The following CHD8 variants were observed in gnomAD, a reference collection of about 807,000 sequenced individuals.
The protein encoded by CHD8 is chromodomain helicase DNA binding protein 8, also known as ATP-dependent chromatin remodeler CHD8.
In CHD8, 31 loss-of-function variants were observed where a neutral mutation model predicts 279.2. The observed-to-expected ratio is 0.11, with a 90% CI of 0.08 to 0.15. The LOEUF is 0.15. CHD8 is among the 10% of genes least tolerant of loss of function. The pLI is 1.00. For synonymous variants in CHD8, 1,081 were observed against 1,139.6 expected, an observed-to-expected ratio of 0.95 and a Z score of 1.04; for missense variants, 2,146 against 3,230.5, an observed-to-expected ratio of 0.66 and a Z score of 8.14.
At chr14:21,428,293 A>G in intron 3 of CHD8, 39 bp from the exon 4 acceptor site, 1 of 1,592,956 alleles carries the variant, frequency 6.3e-7, no homozygotes, top group African/African-American at 1.3e-5. Context: ...ACTTGCTTGT[A>G]GTTAAATGGC....
Position 21,386,118 on chromosome 14 carries a change from C to T in CHD8, c.7241G>A (p.Ser2414Asn), listed in dbSNP as rs1887218814. Residue 2414 changes from serine (S) to asparagine (N), a missense_variant, in exon 38 of 38, where the codon AGC becomes AAC. Ser to Asn is a conservative substitution (Grantham distance 46). Coordinates refer to ENST00000646647, the MANE Select transcript of CHD8 (RefSeq NM_001170629.2). ...CATCCTACGGGCCCGCTTCTTGCTGCTCTCTGGTGCAATAGGCCCTGGCAA... is the reference window on the plus strand; with the variant it reads ...CATCCTACGGGCCCGCTTCTTGCTGTTCTCTGGTGCAATAGGCCCTGGCAA... ...RVLPGPIAPE[S>N]SKKRARRMRP... 5.1e-6 allele frequency: 8 copies of T among 1,554,062 alleles called. No homozygotes were observed. Among genetic ancestry groups the T allele is most frequent in the Non-Finnish European group, 7.0e-6 (8 of 1,148,234 alleles).
intron 1 of CHD8, among the ~76,000 whole-genome samples, chr14:21,434,800 C>A (rs541802395): frequency 6.6e-6 from 1 of 152,160 alleles, no homozygotes; most frequent in African/African-American, 2.4e-5. Flanking sequence ...TTGACTCTTA[C>A]AAGATTAAAC....
Position 21,395,359 on chromosome 14 carries a change from A to G in CHD8, c.5128-7T>C. The G allele has an allele frequency of 6.3e-7, 1 of 1,598,784 alleles. No homozygotes were observed. Among genetic ancestry groups the G allele is most frequent in the Middle Eastern group, 1.7e-4 (1 of 6,048 alleles). On this transcript the variant is annotated splice_region_variant and splice_polypyrimidine_tract_variant and intron_variant, in intron 28 of 37. Coordinates refer to ENST00000646647, the MANE Select transcript of CHD8 (RefSeq NM_001170629.2). The stretch of plus-strand genomic sequence containing the variant: ...TCATCATCAAGGGATCACCCTAGAG[A>G]AGGAGATCCACCCAATAGGATGGAG...
At position 21,406,995 on chromosome 14, in the gene CHD8, A is replaced by T. The variant is rs1388332190; in HGVS notation, c.2768T>A (p.Leu923Gln). 1.3e-6 allele frequency: 2 copies of T among 1,599,366 alleles called. No individual in the cohort carries two copies. Among genetic ancestry groups the T allele is most frequent in the Non-Finnish European group, 1.7e-6 (2 of 1,172,428 alleles). ...CAAAATCATCTCAAAAGTGGTGATC[A>T]GAGCGTCAAACTTGTATGCGCCTGG... is the stretch of plus-strand genomic sequence containing the variant. ...LIPGAYKFDA[L>Q]ITTFEMILSD... Residue 923 changes from leucine (L) to glutamine (Q), a missense_variant, in exon 14 of 38, where the codon CTG (leucine) becomes CAG (glutamine). By Grantham distance (113) the Leu-to-Gln change is moderately radical. This residue lies in a region of CHD8 where 211 missense variants were observed against 464.7 expected (regional missense o/e 0.45). Transcript: ENST00000646647.
chr14:21,390,649 G>A (rs1270245997), intron 37 of CHD8, among the ~76,000 whole-genome samples: 5 of 151,828 alleles, frequency 3.3e-5, no homozygotes, highest in African/African-American at 9.7e-5. Flanking sequence ...GCGGTGGCAG[G>A]TGCCTGTAAT....
rs775493291 is a variant in CHD8 at position 21,391,559 on chromosome 14, A to G, written c.6969T>C (p.Gly2323=). The G allele has an allele frequency of 6.2e-7, 1 of 1,613,778 alleles. No homozygotes were observed. Among genetic ancestry groups the G allele is most frequent in the African/African-American group, 1.3e-5 (1 of 75,028 alleles). Residue 2323 remains glycine, a synonymous_variant, in exon 36 of 38, where the codon GGT becomes GGC. Coordinates refer to ENST00000646647, the MANE Select transcript of CHD8 (RefSeq NM_001170629.2). Reference sequence around the variant, plus strand: ...GGGCATCCTCACCCACCAGCAAAGTACCATCCACCTTATTGATGACAGGGA... The same window carrying G: ...GGGCATCCTCACCCACCAGCAAAGTGCCATCCACCTTATTGATGACAGGGA... ...TRIPVINKVD[G]TLLVGEDAPR... is the part of the protein sequence containing the mutation.
chr14:21,407,143 A>G, intron 13 of CHD8, 111 bp from the exon 14 acceptor site: 1 of 741,712 alleles, frequency 1.3e-6, no homozygotes, highest in Non-Finnish European at 2.1e-6. Context: ...TACAAACTGC[A>G]CCACCACCCA....
intron 5 of CHD8, among the ~76,000 whole-genome samples, chr14:21,420,299 G>T (rs1390163057): frequency 6.6e-6 from 1 of 152,084 alleles, no homozygotes; most frequent in African/African-American, 2.4e-5. Context: ...CTAGCCCTGT[G>T]CTCTGTGGGC....
chr14:21,435,592 A>G (rs1310028730), intron 1 of CHD8, among the ~76,000 whole-genome samples: 1 of 152,134 alleles, frequency 6.6e-6, no homozygotes, highest in East Asian at 1.9e-4. Context: ...TTCCATCTCA[A>G]TCTCTCCATA....
Position 21,401,008 on chromosome 14 carries a change from C to T in CHD8, c.4237G>A (p.Asp1413Asn), listed in dbSNP as rs1888007003. 9.3e-6 allele frequency: 15 copies of T among 1,614,004 alleles called. No individual in the cohort carries two copies. The highest frequency in any genetic ancestry group is 1.3e-5 in the Non-Finnish European group (15 of 1,179,890). ...TCAGAGAATTCCACCAGGTCATCAT[C>T]TTTCAGAGTGCTAAAGTGGCGCGTT... Reference protein sequence around the residue: ...KQTRHFSTLKDDDLVEFSDLE... With the variant: ...KQTRHFSTLKNDDLVEFSDLE... The change falls in exon 22 of 38, where the codon GAT becomes AAT. Residue 1413 changes from aspartate to asparagine, a missense_variant. Physicochemically the swap from Asp to Asn is conservative, Grantham distance 23. Coordinates refer to ENST00000646647, the MANE Select transcript of CHD8 (RefSeq NM_001170629.2).
In CHD8 at chr14:21,408,599, T is replaced by C. The variant is rs1218781050; in HGVS notation, c.2487-44A>G. 1 of 1,574,920 alleles carries C rather than the reference T, an allele frequency of 6.3e-7. No individual in the cohort carries two copies. On this transcript the variant is annotated intron_variant, in intron 12 of 37. Coordinates refer to ENST00000646647, the MANE Select transcript of CHD8 (RefSeq NM_001170629.2). The surrounding 1 kb of genome is among the most constrained non-coding windows in gnomAD (Gnocchi z 4.3). ...AAAAAAAAAATGTTAAAAGATACTA[T>C]CTTTAAAAAAAATAGAGTATGTAGG...
rs561161811 is a variant in CHD8, at chr14:21,401,610, A to G, written c.4063-97T>C. On this transcript the variant is annotated intron_variant, in intron 20 of 37. Transcript: ENST00000646647. The stretch of plus-strand genomic sequence containing the variant: ...TAAAAACATTTTTTTTTTGAGACAC[A>G]GTCTTGCTCTGTTGCCCAGGCTGGG... The G allele has an allele frequency of 5.4e-5, 41 of 757,434 alleles. No individual in the cohort carries two copies. The African/African-American group carries it at 6.8e-4, about 12-fold the overall frequency. The allele number at this position is 757,434 out of a possible 1,614,324, so 46.9% of individuals were successfully genotyped here.
intron 7 of CHD8, 172 bp downstream of exon 7, chr14:21,415,402 A>C (rs1888670452): frequency 2.8e-6 from 1 of 351,572 alleles, no homozygotes; most frequent in Non-Finnish European, 4.9e-6. Context: ...CAGGAGGCTG[A>C]GGCAGAAGAA....
chr14:21,399,669 C>T lies in CHD8; in HGVS notation c.4854G>A (p.Leu1618=). Residue 1618 remains leucine, a synonymous_variant, in exon 26 of 38, where the codon CTG becomes CTA. Transcript: ENST00000646647. ...TGTCCCACCAAGTTGTTGGAACCTC[C>T]AGTTGATCCACTACTGGGAACCATA... ...IDIWFPVVDQ[L]EVPTTWWDSE... 1 of 1,613,678 alleles carries T rather than the reference C, an allele frequency of 6.2e-7. No individual in the cohort carries two copies. The highest frequency in any genetic ancestry group is 8.5e-7 in the Non-Finnish European group (1 of 1,179,638).
At chr14:21,423,537 G>C (rs1889150777) in intron 5 of CHD8, among the ~76,000 whole-genome samples, 1 of 151,664 alleles carries the variant, frequency 6.6e-6, no homozygotes, top group Admixed American at 6.6e-5. Flanking sequence ...TTTTTGGCGG[G>C]GGGAGTCAGG....
intron 5 of CHD8, 55 bp downstream of exon 5, chr14:21,426,073 G>T (rs1594373263): frequency 9.5e-7 from 1 of 1,050,694 alleles, no homozygotes; most frequent in Non-Finnish European, 1.5e-6. Flanking sequence ...GCTTGGCTTG[G>T]TTAGCCATAA....
Position 21,408,304 on chromosome 14 carries a change from C to T in CHD8, c.2730+8G>A, listed in dbSNP as rs1594350862. The T allele has an allele frequency of 6.2e-7, 1 of 1,609,392 alleles. No individual in the cohort carries two copies. Among genetic ancestry groups the T allele is most frequent in the Non-Finnish European group, 8.5e-7 (1 of 1,177,806 alleles). On this transcript the variant is annotated splice_region_variant and intron_variant, in intron 13 of 37. Transcript: ENST00000646647. The surrounding 1 kb of genome is among the most constrained non-coding windows in gnomAD (Gnocchi z 4.3). ...TAACTCATAGTATTCCCAAGACATG[C>T]AACTCACCCGTGAATCTTTGCAGTA...
At chr14:21,410,804 C>T (rs1194402266) in intron 10 of CHD8, among the ~76,000 whole-genome samples, 1 of 152,176 alleles carries the variant, frequency 6.6e-6, no homozygotes, top group Admixed American at 6.5e-5. Flanking sequence ...TGTGAAAGTG[C>T]CTCAAGGTAG....
intron 1 of CHD8, among the ~76,000 whole-genome samples, chr14:21,442,368 G>A (rs528524267): frequency 7.2e-5 from 11 of 152,164 alleles, no homozygotes; most frequent in Non-Finnish European, 1.5e-4. Context: ...TCAGGGCTGA[G>A]GCAGGAGGAT....
Sources: allele counts gnomAD v4.1 joint callset (sites outside exome capture counted in the v4.1 genomes callset), GRCh38; gene constraint gnomAD v4.1.1; regional missense constraint gnomAD v4.1.1; non-coding constraint Gnocchi (gnomAD v3.1); transcripts MANE v1.5; gene names NCBI Gene and HGNC (gene_info 2026-07-23, HGNC 2026-07-21).